The following CSMD1 variants were observed in gnomAD, a reference collection of about 807,000 sequenced individuals.
CSMD1 encodes the protein CUB and sushi domain-containing protein 1.
CSMD1 carries 213 observed loss-of-function variants against 417.5 expected under a neutral mutation model. The ratio of observed to expected loss-of-function variants is 0.51; its 90% CI spans 0.46 to 0.57. The LOEUF (loss-of-function observed/expected upper bound fraction) is 0.57. CSMD1 is among the 20% of genes least tolerant of loss of function. The pLI is 0.00. For synonymous variants in CSMD1, 2,862 were observed against 1,736.8 expected (o/e 1.65, Z -16.11); for missense variants, 6,923 against 4,529.7 (o/e 1.53, Z -15.17).
chr8:4,339,146 T>C lies in CSMD1; in HGVS notation c.415+80807A>G, dbSNP rs192708433. Among the ~76,000 whole-genome samples the C allele has an allele frequency of 1.2e-4, 18 of 152,206 alleles. No individual in the cohort carries two copies. The East Asian group carries it at 3.3e-3, about 28-fold the overall frequency. ...AAATATATTCCAACTACAAATGCTA[T>C]CAGCTATGAAAATAAATTCTTGAGC... On this transcript the variant is annotated intron_variant, in intron 3 of 69. Coordinates refer to ENST00000635120, the MANE Select transcript of CSMD1 (RefSeq NM_033225.6).
At chr8:3,663,656 C>G (rs898140288) in intron 7 of CSMD1, among the ~76,000 whole-genome samples, 11 of 152,122 alleles carry the variant, frequency 7.2e-5, no homozygotes, top group African/African-American at 2.7e-4. Flanking sequence ...AGAATGCAAT[C>G]ATTTGCCTCT....
chr8:3,604,572 G>C (rs547626459), intron 8 of CSMD1, among the ~76,000 whole-genome samples: 2 of 152,212 alleles, frequency 1.3e-5, no homozygotes, highest in South Asian at 2.1e-4. Context: ...AACTTTATAA[G>C]TATATGAAAT....
intron 3 of CSMD1, among the ~76,000 whole-genome samples, chr8:4,098,145 CT>C (rs1449018138): frequency 1.3e-5 from 2 of 152,056 alleles, no homozygotes; most frequent in Admixed American, 6.6e-5. Flanking sequence ...ATATAAAACC[CT>C]TGTAAATTAG....
chr8:4,791,173 A>G (rs1238632604), intron 1 of CSMD1, among the ~76,000 whole-genome samples: 1 of 152,164 alleles, frequency 6.6e-6, no homozygotes, highest in African/African-American at 2.4e-5. Context: ...AGATAAGCCA[A>G]GAAAACAGAC....
chr8:3,708,314 C>A (rs1358103923), intron 7 of CSMD1, 100 bp downstream of exon 7: 5 of 875,466 alleles, frequency 5.7e-6, no homozygotes, highest in Middle Eastern at 2.2e-4. Context: ...GAAGAGATAA[C>A]GTGGGGAAGG....
At chr8:4,798,893 C>A (rs1203966538) in intron 1 of CSMD1, among the ~76,000 whole-genome samples, 1 of 152,162 alleles carries the variant, frequency 6.6e-6, no homozygotes, top group African/African-American at 2.4e-5. Context: ...AAAGTAAGAC[C>A]TCAGACCAAA....
intron 3 of CSMD1, among the ~76,000 whole-genome samples, chr8:4,389,464 G>C (rs990906593): frequency 6.6e-6 from 1 of 151,984 alleles, no homozygotes; most frequent in African/African-American, 2.4e-5. Context: ...ACATAATTTG[G>C]TTAGTGCTTT....
At chr8:3,251,267 C>T (rs1181684331) in intron 26 of CSMD1, among the ~76,000 whole-genome samples, 2 of 152,192 alleles carry the variant, frequency 1.3e-5, no homozygotes, top group Non-Finnish European at 2.9e-5. Flanking sequence ...AATCCAGTTT[C>T]AGCTTTCTAC....
chr8:4,362,074 G>T (rs757273132), intron 3 of CSMD1, among the ~76,000 whole-genome samples: 2 of 152,098 alleles, frequency 1.3e-5, no homozygotes, highest in African/African-American at 4.8e-5. Context: ...TAAAGGCTGA[G>T]ATAATTTAAT....
chr8:3,003,080 C>A (rs596681), intron 52 of CSMD1, among the ~76,000 whole-genome samples: 28,095 of 152,112 alleles, frequency 0.18, 4,712 homozygotes, highest in African/African-American at 0.45. Context: ...TCCAGCCATC[C>A]GTTAATTCTG....
At chr8:3,902,548 C>A (rs991133407) in intron 5 of CSMD1, among the ~76,000 whole-genome samples, 1 of 152,080 alleles carries the variant, frequency 6.6e-6, no homozygotes, top group Non-Finnish European at 1.5e-5. Flanking sequence ...GAGCTCACAA[C>A]CTACATCCAT....
intron 3 of CSMD1, among the ~76,000 whole-genome samples, chr8:4,323,968 C>G (rs543615116): frequency 2.0e-5 from 3 of 152,280 alleles, no homozygotes; most frequent in Admixed American, 2.0e-4. Flanking sequence ...GTCAGTGCAG[C>G]CTGCTGCCTC....
intron 1 of CSMD1, among the ~76,000 whole-genome samples, chr8:4,695,257 C>G (rs1438538755): frequency 6.6e-6 from 1 of 152,224 alleles, no homozygotes; most frequent in Non-Finnish European, 1.5e-5. Context: ...CACTGCAGTT[C>G]TACCAAAACC....
At chr8:4,137,131 G>A (rs143333903) in intron 3 of CSMD1, among the ~76,000 whole-genome samples, 1 of 152,296 alleles carries the variant, frequency 6.6e-6, no homozygotes, top group African/African-American at 2.4e-5. Flanking sequence ...CAGAGAATAA[G>A]CCATTCATAA....
chr8:4,644,492 C>T (rs1366550059), intron 1 of CSMD1, among the ~76,000 whole-genome samples: 2 of 152,118 alleles, frequency 1.3e-5, no homozygotes, highest in Non-Finnish European at 2.9e-5. Context: ...CTGCAGCCTC[C>T]ACCTCCCAGG....
chr8:3,662,429 C>G (rs111374356), intron 7 of CSMD1, among the ~76,000 whole-genome samples: 1 of 152,108 alleles, frequency 6.6e-6, no homozygotes, highest in African/African-American at 2.4e-5. Flanking sequence ...TTTCTTTATC[C>G]AGTCTATTAT....
At chr8:3,033,717 G>A (rs1810492003) in intron 50 of CSMD1, among the ~76,000 whole-genome samples, 4 of 152,090 alleles carry the variant, frequency 2.6e-5, no homozygotes, top group Admixed American at 2.0e-4. Context: ...GTATACCTAT[G>A]TAACAAACCT....
At chr8:3,925,721 G>A (rs1255904701) in intron 5 of CSMD1, among the ~76,000 whole-genome samples, 3 of 151,840 alleles carry the variant, frequency 2.0e-5, no homozygotes, top group African/African-American at 7.3e-5. Context: ...GTTACCTCCC[G>A]CCATGATTCT....
At chr8:3,470,784 A>G (rs1206016858) in intron 11 of CSMD1, among the ~76,000 whole-genome samples, 11 of 152,196 alleles carry the variant, frequency 7.2e-5, no homozygotes, top group Admixed American at 7.2e-4. Context: ...GTGTTTAACA[A>G]CCTGGGATTG....
Sources: allele counts gnomAD v4.1 joint callset (sites outside exome capture counted in the v4.1 genomes callset), GRCh38; gene constraint gnomAD v4.1.1; transcripts MANE v1.5; gene names NCBI Gene and HGNC (gene_info 2026-07-23, HGNC 2026-07-21).